CKAP5: variants seen among roughly 807,000 people sequenced by gnomAD.
CKAP5 encodes the protein cytoskeleton-associated protein 5.
A neutral mutation model predicts 232.8 loss-of-function variants in CKAP5; 27 were observed. That is an observed-to-expected ratio of 0.12 (90% CI 0.09 to 0.16). The LOEUF is 0.16. Among genes scored for constraint, CKAP5 ranks in the 10% least tolerant of loss-of-function variants. The pLI is 1.00. For synonymous variants in CKAP5, 785 were observed against 841.1 expected, an observed-to-expected ratio of 0.93 and a Z score of 1.16; for missense variants, 1,838 against 2,424.7, an observed-to-expected ratio of 0.76 and a Z score of 5.08.
chr11:46,818,196 A>C, intron 3 of CKAP5, 114 bp downstream of exon 3: 5 of 745,176 alleles, frequency 6.7e-6, no homozygotes, highest in Non-Finnish European at 9.9e-6. Flanking sequence ...TACGAAAGTA[A>C]GAAAATTCAT....
rs1223852818 is a variant in CKAP5 at position 46,834,901 on chromosome 11, G to A, written c.-38+11319C>T. Among the ~76,000 whole-genome samples, 4 of 151,910 alleles carry A rather than the reference G, an allele frequency of 2.6e-5. No individual in the cohort carries two copies. In the East Asian group the frequency reaches 7.7e-4, roughly 29 times the overall value. ...GCTCACTGCTGCCTCCACCTCCCAGGCCCAAGTAATCCTCCCACCTCTGCC... is the reference window on the plus strand; with the variant it reads ...GCTCACTGCTGCCTCCACCTCCCAGACCCAAGTAATCCTCCCACCTCTGCC... On this transcript the variant is annotated intron_variant, in intron 1 of 43. Coordinates refer to ENST00000529230, the MANE Select transcript of CKAP5 (RefSeq NM_001008938.4).
At chr11:46,831,355 C>A (rs912478420) in intron 1 of CKAP5, among the ~76,000 whole-genome samples, 1 of 152,068 alleles carries the variant, frequency 6.6e-6, no homozygotes, top group African/African-American at 2.4e-5. Context: ...GATCATCTGC[C>A]TATACTCATC....
chr11:46,773,271 C>T (rs1443007886), intron 24 of CKAP5, among the ~76,000 whole-genome samples: 2 of 146,824 alleles, frequency 1.4e-5, no homozygotes, highest in Non-Finnish European at 3.0e-5. Flanking sequence ...TTTTTTGAGA[C>T]GAAGTTTCGC....
chr11:46,836,148 TACCCTGAATTGG>T (rs1939912622), intron 1 of CKAP5, among the ~76,000 whole-genome samples: 2 of 152,172 alleles, frequency 1.3e-5, no homozygotes, highest in South Asian at 4.1e-4. Context: ...TGCAATATGT[TACCCTGAATTGG>T]ATCCTGAAAC....
Position 46,784,620 on chromosome 11 carries a change from A to C in CKAP5, c.2022T>G (p.Phe674Leu). 6.2e-7 allele frequency: 1 copy of C among 1,614,118 alleles called. No homozygotes were observed. The highest frequency in any genetic ancestry group is 2.2e-5 in the East Asian group (1 of 44,874). The part of the protein sequence containing the change: ...IVALIAQKGN[F>L]SKTSAQVVLD... ...ATACAACCTGAGCTGACGTTTTGGAAAAATTTCCCTTCTGGGCAATCAAAG... is the reference window on the plus strand; with the variant it reads ...ATACAACCTGAGCTGACGTTTTGGACAAATTTCCCTTCTGGGCAATCAAAG... Residue 674 changes from phenylalanine to leucine, a missense_variant, in exon 17 of 44, where the codon TTT becomes TTG. By Grantham distance (22) the Phe-to-Leu change is conservative. This residue lies in a region of CKAP5 where 767 missense variants were observed against 954.6 expected (regional missense o/e 0.80). Transcript: ENST00000529230.
rs1940189777 is a variant in CKAP5 at position 46,846,218 on chromosome 11, A to G, written c.-38+2T>C. ...GGTGGGGCAGGCCCACCGACCACTC[A>G]CCTCAGCTGGGTCAGAACCAAGCGG... On this transcript the variant is annotated splice_donor_variant, in intron 1 of 43. Transcript: ENST00000529230. LOFTEE classifies it low-confidence loss of function (5UTR_SPLICE). 6.6e-6 allele frequency: 1 copy of G among 151,852 alleles called. No individual in the cohort carries two copies. Among genetic ancestry groups the G allele is most frequent in the African/African-American group, 2.4e-5 (1 of 41,280 alleles). The allele number at this position is 151,852 out of a possible 1,614,324, so 9.4% of individuals were successfully genotyped here. A position where few individuals can be genotyped will look rare whatever the true frequency, so the allele number is the denominator to read the frequency against.
At chr11:46,798,789 A>G (rs79893208) in intron 9 of CKAP5, among the ~76,000 whole-genome samples, 2,921 of 152,308 alleles carry the variant, frequency 0.019, 98 homozygotes, top group African/African-American at 0.067. Context: ...GTTATGTAAC[A>G]TTGTGAATAT....
Position 46,760,663 on chromosome 11 carries a change from T to C in CKAP5, c.4343A>G (p.Asn1448Ser), listed in dbSNP as rs2065146492. 2 of 1,614,096 alleles carry C rather than the reference T, an allele frequency of 1.2e-6. No homozygotes were observed. Among genetic ancestry groups the C allele is most frequent in the South Asian group, 1.1e-5 (1 of 91,088 alleles). The stretch of plus-strand genomic sequence containing the variant: ...TGGTCCCTTGCGTAACATGTTGGCA[T>C]TGGAGCTTATGTTCTGTGCACGCTG... ...KPQRAQNISS[N>S]ANMLRKGPAE... The change falls in exon 33 of 44, where the codon AAT (asparagine) becomes AGT (serine). Residue 1448 changes from asparagine to serine, a missense_variant. This residue lies in a region of CKAP5 where 579 missense variants were observed against 843.2 expected (regional missense o/e 0.69). Transcript: ENST00000529230.
intron 4 of CKAP5, among the ~76,000 whole-genome samples, chr11:46,812,873 G>T (rs1353941638): frequency 6.6e-6 from 1 of 151,858 alleles, no homozygotes; most frequent in Admixed American, 6.6e-5. Flanking sequence ...GAACTCCTGG[G>T]CTCAGGCAAT....
At chr11:46,771,555 C>T (rs1372946073) in intron 24 of CKAP5, among the ~76,000 whole-genome samples, 1 of 152,096 alleles carries the variant, frequency 6.6e-6, no homozygotes, top group East Asian at 1.9e-4. Flanking sequence ...TTGTATTTAC[C>T]AGCAGTTTGT....
intron 27 of CKAP5, 92 bp from the exon 28 acceptor site, chr11:46,765,348 C>G (rs2065193613): frequency 9.2e-7 from 1 of 1,088,066 alleles, no homozygotes; most frequent in African/African-American, 1.6e-5. Flanking sequence ...CTGTAGAAAA[C>G]AGAGATATCT....
intron 26 of CKAP5, among the ~76,000 whole-genome samples, chr11:46,769,225 G>A (rs2065228343): frequency 6.6e-6 from 1 of 152,088 alleles, no homozygotes; most frequent in African/African-American, 2.4e-5. Context: ...AGCCTATTAT[G>A]GAATTTTAAT....
At position 46,780,448 on chromosome 11, in the gene CKAP5, C is replaced by T. The variant is rs752133611; in HGVS notation, c.2287G>A (p.Ala763Thr). 3 of 1,613,784 alleles carry T rather than the reference C, an allele frequency of 1.9e-6. No individual in the cohort carries two copies. Among genetic ancestry groups the T allele is most frequent in the Non-Finnish European group, 2.5e-6 (3 of 1,179,866 alleles). The part of the protein sequence containing the change: ...VKAFISNVKT[A>T]LAATNPAVRT... ...CTCACTGGGTTTGTTGCAGCAAGAG[C>T]TGTCTTCACATTGCTAATGAAAGCT... is the stretch of plus-strand genomic sequence containing the variant. The change falls in exon 19 of 44, where the codon GCT becomes ACT. Residue 763 changes from alanine to threonine, a missense_variant. By Grantham distance (58) the Ala-to-Thr change is moderately conservative (BLOSUM62 0). Transcript: ENST00000529230.
At chr11:46,774,952 A>G (rs2065278849) in intron 24 of CKAP5, among the ~76,000 whole-genome samples, 1 of 152,214 alleles carries the variant, frequency 6.6e-6, no homozygotes, top group African/African-American at 2.4e-5. Flanking sequence ...CTAAAACACC[A>G]AAAGCAATCA....
intron 4 of CKAP5, among the ~76,000 whole-genome samples, chr11:46,813,863 G>A (rs777638090): frequency 6.6e-6 from 1 of 151,944 alleles, no homozygotes; most frequent in African/African-American, 2.4e-5. Context: ...GGCCAGGTGC[G>A]GTTGCTTATG....
At chr11:46,769,834 G>T in intron 26 of CKAP5, 129 bp downstream of exon 26, 1 of 1,000,952 alleles carries the variant, frequency 1.0e-6, no homozygotes, top group Non-Finnish European at 1.5e-6. Context: ...AGGAAAGTAA[G>T]CAGAGAAGGA....
intron 1 of CKAP5, among the ~76,000 whole-genome samples, chr11:46,840,769 T>C (rs1023433181): frequency 6.6e-6 from 1 of 152,182 alleles, no homozygotes; most frequent in Non-Finnish European, 1.5e-5. Context: ...AAATGTGTTT[T>C]CCTGAGTTCT....
At chr11:46,845,583 C>T (rs1388071925) in intron 1 of CKAP5, among the ~76,000 whole-genome samples, 1 of 152,214 alleles carries the variant, frequency 6.6e-6, no homozygotes, top group Non-Finnish European at 1.5e-5. Flanking sequence ...CAAGGCCCAA[C>T]CCACACTGCT....
At chr11:46,811,586 C>G (rs1234007562) in intron 4 of CKAP5, among the ~76,000 whole-genome samples, 2 of 152,116 alleles carry the variant, frequency 1.3e-5, no homozygotes, top group African/African-American at 4.8e-5. Flanking sequence ...AGGTGATTCT[C>G]CTGTCTCAGT....
Sources: allele counts gnomAD v4.1 joint callset (sites outside exome capture counted in the v4.1 genomes callset), GRCh38; gene constraint gnomAD v4.1.1; regional missense constraint gnomAD v4.1.1; transcripts MANE v1.5; gene names NCBI Gene and HGNC (gene_info 2026-07-23, HGNC 2026-07-21).